ADAMTSL3: variants seen among roughly 807,000 people sequenced by gnomAD.
The protein encoded by ADAMTSL3 is ADAMTS-like protein 3.
In ADAMTSL3, 128 loss-of-function variants were observed where a neutral mutation model predicts 201.7. The ratio of observed to expected loss-of-function variants is 0.63; its 90% CI spans 0.55 to 0.73. ADAMTSL3 has a LOEUF of 0.73. Among genes scored for constraint, ADAMTSL3 ranks in the 30% least tolerant of loss-of-function variants. ADAMTSL3 has a pLI of 0.00. For synonymous variants in ADAMTSL3, 738 were observed against 748.4 expected (o/e 0.99, Z 0.23); for missense variants, 1,990 against 2,119.6 (o/e 0.94, Z 1.20).
intron 3 of ADAMTSL3, among the ~76,000 whole-genome samples, chr15:83,755,981 G>A (rs1409921140): frequency 2.0e-5 from 3 of 152,086 alleles, no homozygotes; most frequent in Non-Finnish European, 2.9e-5. Flanking sequence ...GGCTGCTCTC[G>A]AACTCCTGAC....
At chr15:83,843,314 A>G (rs932208449) in intron 7 of ADAMTSL3, among the ~76,000 whole-genome samples, 1 of 152,096 alleles carries the variant, frequency 6.6e-6, no homozygotes, top group African/African-American at 2.4e-5. Flanking sequence ...AGTGCAGGGC[A>G]TGAGTGACAT....
intron 17 of ADAMTSL3, among the ~76,000 whole-genome samples, chr15:83,935,331 A>G (rs2142016595): frequency 6.6e-6 from 1 of 152,314 alleles, no homozygotes; most frequent in Non-Finnish European, 1.5e-5. Context: ...ATTCTGATGG[A>G]TCATGACTAG....
intron 3 of ADAMTSL3, among the ~76,000 whole-genome samples, chr15:83,718,516 C>T (rs2062050078): frequency 1.3e-5 from 2 of 151,730 alleles, no homozygotes; most frequent in Non-Finnish European, 2.9e-5. Flanking sequence ...CCAGCCTGGC[C>T]AAAATGGTGA....
At chr15:83,903,942 A>AGG (rs1567226109) in intron 15 of ADAMTSL3, among the ~76,000 whole-genome samples, 1,128 of 37,804 alleles carry the variant, frequency 0.03, 118 homozygotes, top group East Asian at 0.033. Context: ...AAAAAAAAAA[A>AGG]AAGAAAAAAG....
chr15:83,974,476 A>G (rs1008866723), intron 20 of ADAMTSL3, among the ~76,000 whole-genome samples: 3 of 152,206 alleles, frequency 2.0e-5, no homozygotes, highest in South Asian at 2.1e-4. Flanking sequence ...CATTTCTATT[A>G]TAGATTTAAC....
At chr15:83,971,085 A>C (rs2067186602) in intron 20 of ADAMTSL3, among the ~76,000 whole-genome samples, 2 of 152,372 alleles carry the variant, frequency 1.3e-5, no homozygotes, top group South Asian at 4.1e-4. Context: ...AACATGAAAG[A>C]ACTTTGATTT....
intron 9 of ADAMTSL3, among the ~76,000 whole-genome samples, chr15:83,878,340 G>T (rs994642258): frequency 2.0e-5 from 3 of 152,100 alleles, no homozygotes; most frequent in Admixed American, 2.0e-4. Flanking sequence ...TAGTTGCCGG[G>T]CGTGGTGGCT....
At chr15:83,791,992 C>T in intron 4 of ADAMTSL3, among the ~76,000 whole-genome samples, 1 of 151,996 alleles carries the variant, frequency 6.6e-6, no homozygotes, top group South Asian at 2.1e-4. Flanking sequence ...ACACATGACC[C>T]CAAAAGCCAG....
At chr15:83,792,519 T>A (rs2063359420) in intron 4 of ADAMTSL3, among the ~76,000 whole-genome samples, 3 of 152,102 alleles carry the variant, frequency 2.0e-5, no homozygotes, top group Admixed American at 2.0e-4. Context: ...CAGTTGGGCT[T>A]ATGCCTGTAA....
At chr15:83,865,886 G>C (rs1396757620) in intron 8 of ADAMTSL3, among the ~76,000 whole-genome samples, 1 of 152,120 alleles carries the variant, frequency 6.6e-6, no homozygotes, top group Non-Finnish European at 1.5e-5. Context: ...CTAATATCCA[G>C]AATCTACAAT....
At chr15:83,900,156 G>C (rs897150374) in intron 15 of ADAMTSL3, among the ~76,000 whole-genome samples, 3 of 152,188 alleles carry the variant, frequency 2.0e-5, no homozygotes, top group Non-Finnish European at 2.9e-5. Context: ...GAAATGGAAA[G>C]AACAAGGTAC....
At chr15:83,988,668 T>A (rs1422599630) in intron 21 of ADAMTSL3, 23 bp from the exon 22 acceptor site, 1 of 1,567,598 alleles carries the variant, frequency 6.4e-7, no homozygotes, top group Non-Finnish European at 8.7e-7. Flanking sequence ...TATGAATGTG[T>A]CGTCTTTCTA....
chr15:83,868,909 G>A (rs1223039851), intron 8 of ADAMTSL3, among the ~76,000 whole-genome samples: 1 of 152,118 alleles, frequency 6.6e-6, no homozygotes. Context: ...TTTAGGGAAT[G>A]GATATCGTAG....
chr15:83,877,232 A>G (rs1197366702), intron 9 of ADAMTSL3, among the ~76,000 whole-genome samples: 2 of 152,122 alleles, frequency 1.3e-5, no homozygotes, highest in South Asian at 2.1e-4. Flanking sequence ...ATCCCCTAAG[A>G]TATTCTTCTA....
At chr15:84,014,312 T>C (rs920639241) in intron 23 of ADAMTSL3, among the ~76,000 whole-genome samples, 4 of 152,164 alleles carry the variant, frequency 2.6e-5, no homozygotes, top group South Asian at 4.1e-4. Context: ...ATTCCATAAC[T>C]TATATGTGTA....
At chr15:83,670,333 T>C (rs2061315324) in intron 2 of ADAMTSL3, among the ~76,000 whole-genome samples, 2 of 151,804 alleles carry the variant, frequency 1.3e-5, no homozygotes, top group South Asian at 4.2e-4. Context: ...GCTTTGATTC[T>C]TTATTTACTA....
intron 28 of ADAMTSL3, among the ~76,000 whole-genome samples, chr15:84,036,419 G>C (rs1027777089): frequency 6.6e-6 from 1 of 152,162 alleles, no homozygotes; most frequent in South Asian, 2.1e-4. Flanking sequence ...GCTTATTGTA[G>C]ATCATTATAG....
chr15:83,724,654 A>G (rs2141585544), intron 3 of ADAMTSL3, among the ~76,000 whole-genome samples: 1 of 151,982 alleles, frequency 6.6e-6, no homozygotes, highest in Middle Eastern at 3.4e-3. Flanking sequence ...ATTTTATCTA[A>G]CTATATTTTT....
At chr15:83,944,799 C>G (rs1176165966) in intron 19 of ADAMTSL3, among the ~76,000 whole-genome samples, 1 of 152,202 alleles carries the variant, frequency 6.6e-6, no homozygotes, top group Non-Finnish European at 1.5e-5. Context: ...CCTAACCTCT[C>G]TGAGCTTCCG....
Sources: allele counts gnomAD v4.1 joint callset (sites outside exome capture counted in the v4.1 genomes callset), GRCh38; gene constraint gnomAD v4.1.1; transcripts MANE v1.5; gene names NCBI Gene and HGNC (gene_info 2026-07-23, HGNC 2026-07-21).